Variants in ANKFY1 observed in about 807,000 individuals in gnomAD.
ANKFY1 encodes ankyrin repeat and FYVE domain containing 1, also known as ankyrin repeat and FYVE domain-containing protein 1.
ANKFY1 carries 47 observed loss-of-function variants against 128.3 expected under a neutral mutation model. That is an observed-to-expected ratio of 0.37 (90% CI 0.29 to 0.47). The LOEUF is 0.47. ANKFY1 is among the 20% of genes least tolerant of loss of function. The probability of loss-of-function intolerance (pLI) is 1.00; values close to 1 mark genes in which losing one functional copy is unlikely to be tolerated. For synonymous variants in ANKFY1, 553 were observed against 601.6 expected (o/e 0.92, Z 1.18); for missense variants, 1,222 against 1,510.6 (o/e 0.81, Z 3.17).
intron 3 of ANKFY1, chr17:4,222,385 C>A (rs1231818179): frequency 2.5e-6 from 2 of 785,606 alleles, no homozygotes; most frequent in Non-Finnish European, 4.7e-6. Context: ...TCTGTTAGTA[C>A]CCAGTGAGAC....
intron 19 of ANKFY1, 122 bp downstream of exon 19, chr17:4,177,004 C>T (rs1257091570): frequency 1.3e-5 from 14 of 1,089,526 alleles, no homozygotes; most frequent in Non-Finnish European, 1.5e-5. Context: ...ACCAGCCTCG[C>T]TCCCCAAATT....
intron 3 of ANKFY1, among the ~76,000 whole-genome samples, chr17:4,220,697 A>C (rs965245978): frequency 2.0e-5 from 3 of 152,186 alleles, no homozygotes; most frequent in African/African-American, 7.2e-5. Context: ...CTGAGAATAA[A>C]TTCACTTTGT....
intron 1 of ANKFY1, among the ~76,000 whole-genome samples, chr17:4,261,939 T>A (rs1968441202): frequency 6.6e-6 from 1 of 152,232 alleles, no homozygotes; most frequent in Non-Finnish European, 1.5e-5. Context: ...GGGAATCCCT[T>A]GGGTTTTTGC....
At chr17:4,194,103 A>ATATATATATATTT (rs1555627694) in intron 10 of ANKFY1, among the ~76,000 whole-genome samples, 25 of 108,160 alleles carry the variant, frequency 2.3e-4, no homozygotes, top group African/African-American at 1.1e-3. Context: ...ATATATATAT[A>ATATATATATATTT]TTTTTTTTTT....
chr17:4,251,550 CA>C (rs1967834080), intron 1 of ANKFY1, among the ~76,000 whole-genome samples: 1 of 127,900 alleles, frequency 7.8e-6, no homozygotes, highest in Non-Finnish European at 1.7e-5. Context: ...AAAAAAAAAA[CA>C]AAAACTACAG....
intron 4 of ANKFY1, among the ~76,000 whole-genome samples, chr17:4,213,920 C>T (rs1293665482): frequency 1.3e-5 from 2 of 152,112 alleles, no homozygotes; most frequent in African/African-American, 4.8e-5. Context: ...ATTGGTTTCT[C>T]CAAACCTGTA....
In ANKFY1 at chr17:4,178,874, A is replaced by G. The variant is rs757370552; in HGVS notation, c.2581T>C (p.Ser861Pro). ...KSAEAILKRE[S>P]GAAEQVDNKG... ...TCACTCACCTGCTCAGCAGCCCCGG[A>G]CTCTCGTTTGAGAATGGCCTCGGCT... The change falls in exon 18 of 25, where the codon TCC becomes CCC. Residue 861 changes from serine to proline, a missense_variant. Transcript: ENST00000341657. The surrounding 1 kb of genome is among the most constrained non-coding windows in gnomAD (Gnocchi z 4.1). 1 of 1,614,124 alleles carries G rather than the reference A, an allele frequency of 6.2e-7. No individual in the cohort carries two copies. Among genetic ancestry groups the G allele is most frequent in the Non-Finnish European group, 8.5e-7 (1 of 1,180,034 alleles).
chr17:4,221,763 G>T (rs1298380778), intron 3 of ANKFY1, among the ~76,000 whole-genome samples: 2 of 152,074 alleles, frequency 1.3e-5, no homozygotes, highest in Non-Finnish European at 2.9e-5. Flanking sequence ...GACTACAGGA[G>T]TGCGTCATCA....
At chr17:4,240,397 TA>T (rs1288953075) in intron 2 of ANKFY1, among the ~76,000 whole-genome samples, 8 of 117,694 alleles carry the variant, frequency 6.8e-5, no homozygotes, top group African/African-American at 2.3e-4. Context: ...TTTATTTATT[TA>T]TTTATTTTTT....
At position 4,235,238 on chromosome 17, in the gene ANKFY1, G is replaced by A. The variant is rs140316106; in HGVS notation, c.322+534C>T. On this transcript the variant is annotated intron_variant, in intron 3 of 24. Coordinates refer to ENST00000341657, the MANE Select transcript of ANKFY1 (RefSeq NM_001330063.2). Reference sequence around the variant, plus strand: ...GGTGCCTGTAATCCCAGCTACTCGGGAGGCTGAGGCACGAGAATCACTTGA... The same window carrying A: ...GGTGCCTGTAATCCCAGCTACTCGGAAGGCTGAGGCACGAGAATCACTTGA... 1.0e-3 allele frequency among the ~76,000 whole-genome samples: 159 copies of A among 151,680 alleles called. 1 individual carries two copies. In the East Asian group the frequency reaches 0.026, roughly 24 times the overall value.
intron 5 of ANKFY1, among the ~76,000 whole-genome samples, chr17:4,209,146 T>A (rs112783121): frequency 6.6e-6 from 1 of 152,288 alleles, no homozygotes; most frequent in African/African-American, 2.4e-5. Flanking sequence ...TCCGCCTGAT[T>A]AGGAGAGCAA....
chr17:4,221,736 G>C (rs1010750292), intron 3 of ANKFY1, among the ~76,000 whole-genome samples: 3 of 152,082 alleles, frequency 2.0e-5, no homozygotes, highest in African/African-American at 7.2e-5. Flanking sequence ...TCCTGCCTCA[G>C]ACTCCCAAGT....
At chr17:4,214,496 A>G in intron 4 of ANKFY1, among the ~76,000 whole-genome samples, 1 of 152,026 alleles carries the variant, frequency 6.6e-6, no homozygotes, top group East Asian at 1.9e-4. Flanking sequence ...CAGAAAGGAC[A>G]CAGAGATACA....
chr17:4,202,660 G>GCA (rs1308912891), intron 7 of ANKFY1, among the ~76,000 whole-genome samples: 3 of 124,820 alleles, frequency 2.4e-5, no homozygotes, highest in Non-Finnish European at 4.7e-5. Context: ...TTGTGCCACT[G>GCA]CACTTCAGCC....
rs546801441 is a variant in ANKFY1, at chr17:4,189,781, G to A, written c.1373-302C>T. Among the ~76,000 whole-genome samples the A allele has an allele frequency of 2.6e-5, 4 of 151,870 alleles. No homozygotes were observed. The South Asian group carries it at 8.3e-4, about 32-fold the overall frequency. The stretch of plus-strand genomic sequence containing the variant: ...GGTCCACGCCAGACAGTAGGTCCAC[G>A]CCAGACAGTAAGCCCACGCCAGACA... On this transcript the variant is annotated intron_variant, in intron 10 of 24. Transcript: ENST00000341657.
chr17:4,210,538 A>G (rs951741932), intron 4 of ANKFY1, among the ~76,000 whole-genome samples: 56 of 151,754 alleles, frequency 3.7e-4, no homozygotes, highest in Non-Finnish European at 8.8e-5. Context: ...GAGGAACCCC[A>G]TCTCTACTAA....
chr17:4,222,103 GGC>G (rs1416560882), intron 3 of ANKFY1: 1 of 150,636 alleles, frequency 6.6e-6, no homozygotes, highest in Non-Finnish European at 1.5e-5. Context: ...AGGGGTAGGC[GGC>G]GGTGCGGCGG....
intron 4 of ANKFY1, among the ~76,000 whole-genome samples, chr17:4,215,059 C>A (rs2060198000): frequency 6.6e-6 from 1 of 152,046 alleles, no homozygotes; most frequent in South Asian, 2.1e-4. Context: ...GAGGCTGAGG[C>A]GGGCGGATCA....
At chr17:4,193,294 C>T (rs2059750661) in intron 10 of ANKFY1, among the ~76,000 whole-genome samples, 1 of 152,114 alleles carries the variant, frequency 6.6e-6, no homozygotes, top group Non-Finnish European at 1.5e-5. Flanking sequence ...CTTGCTCTGT[C>T]ACCCAGGCTG....
Sources: gnomAD v4.1 joint callset for allele counts (sites outside exome capture counted in the v4.1 genomes callset) on GRCh38, gnomAD v4.1.1 for gene constraint, Gnocchi (gnomAD v3.1) non-coding constraint, MANE v1.5 for transcripts, NCBI Gene and HGNC (gene_info 2026-07-23, HGNC 2026-07-21) for gene names.